Variants in ABCB5 observed in about 807,000 individuals in gnomAD.
The protein encoded by ABCB5 is ATP-binding cassette sub-family B member 5.
ABCB5 carries 155 observed loss-of-function variants against 144.2 expected under a neutral mutation model. The observed-to-expected ratio is 1.08, with a 90% confidence interval of 0.94 to 1.23. The LOEUF (loss-of-function observed/expected upper bound fraction) is 1.23, where lower values mean the gene tolerates loss of function less well. Among genes scored for constraint, ABCB5 ranks in the 50% most tolerant of loss-of-function variants. The pLI, the probability that ABCB5 is intolerant of heterozygous loss-of-function variation, is 0.00. For missense variants in ABCB5, 1,830 were observed against 1,520.8 expected (o/e 1.20, Z -3.38); for synonymous variants, 610 against 528.6 (o/e 1.15, Z -2.11).
At chr7:20,745,172 A>G in intron 25 of ABCB5, 60 bp from the exon 26 acceptor site, 1 of 1,504,446 alleles carries the variant, frequency 6.6e-7, no homozygotes, top group Non-Finnish European at 9.2e-7. Context: ...AATACAGTGA[A>G]CTGTAACATG....
intron 14 of ABCB5, chr7:20,660,272 T>G (rs1007349284): frequency 2.2e-5 from 22 of 985,236 alleles, no homozygotes; most frequent in African/African-American, 7.0e-5. Flanking sequence ...GAAGGCAATA[T>G]ATGAAAATAA....
rs1165239121 is a variant in ABCB5 at position 20,710,072 on chromosome 7, G to GA, written c.2421+5273dup. Among the ~76,000 whole-genome samples, 118 of 144,346 alleles carry GA rather than the reference G, an allele frequency of 8.2e-4. 5 individuals are homozygous for GA. Among genetic ancestry groups the GA allele is most frequent in the Middle Eastern group, 3.5e-3 (1 of 284 alleles). The allele number at this position is 144,346 out of a possible 152,430, so 94.7% of individuals were successfully genotyped here. On this transcript the variant is annotated intron_variant, in intron 20 of 27. Transcript: ENST00000404938. ...AGAGCAAGACTCTAAAAAAAAAAAA[G>GA]AAAAAAAATAGGTAGCCAGGGGTGG...
chr7:20,699,914 C>A lies in ABCB5; in HGVS notation c.2244C>A (p.Val748=). The change falls in exon 18 of 28, where the codon GTC becomes GTA. Residue 748 remains valine, a synonymous_variant. Coordinates refer to ENST00000404938, the MANE Select transcript of ABCB5 (RefSeq NM_001163941.2). ...TCATTTTGGGTGTTATTTGCTTTGTCAGTTATTTCATGCAGGTAAGCTTTT... is the reference window on the plus strand; with the variant it reads ...TCATTTTGGGTGTTATTTGCTTTGTAAGTTATTTCATGCAGGTAAGCTTTT... ...IFVILGVICF[V]SYFMQGLFYG... is the part of the protein sequence containing the mutation. The A allele has an allele frequency of 6.2e-7, 1 of 1,611,944 alleles. No homozygotes were observed. Among genetic ancestry groups the A allele is most frequent in the South Asian group, 1.1e-5 (1 of 90,676 alleles).
chr7:20,658,945 T>C, intron 14 of ABCB5: 2 of 1,167,292 alleles, frequency 1.7e-6, no homozygotes, highest in Non-Finnish European at 1.3e-6. Flanking sequence ...TCCAAGTGGT[T>C]TGCACTTTCC....
At chr7:20,674,779 C>T (rs1334259899) in intron 14 of ABCB5, among the ~76,000 whole-genome samples, 1 of 149,216 alleles carries the variant, frequency 6.7e-6, no homozygotes. Flanking sequence ...CACACACACA[C>T]ACACAAACTG....
intron 13 of ABCB5, among the ~76,000 whole-genome samples, chr7:20,654,811 G>C (rs1337893216): frequency 6.6e-6 from 1 of 152,106 alleles, no homozygotes; most frequent in Non-Finnish European, 1.5e-5. Context: ...GTATTTGTGA[G>C]ATATAGTTAA....
chr7:20,624,815 GCT>G (rs1311015713), intron 2 of ABCB5, among the ~76,000 whole-genome samples: 13 of 152,234 alleles, frequency 8.5e-5, no homozygotes, highest in Admixed American at 7.2e-4. Context: ...AGCTAGTGCG[GCT>G]GTGACCCGCA....
intron 5 of ABCB5, among the ~76,000 whole-genome samples, chr7:20,633,463 CT>C (rs936974535): frequency 6.6e-6 from 1 of 151,896 alleles, no homozygotes; most frequent in African/African-American, 2.4e-5. Context: ...GGCCTTAATT[CT>C]TTTTTTAATT....
At chr7:20,684,904 G>T (rs934607760) in intron 15 of ABCB5, among the ~76,000 whole-genome samples, 1 of 152,174 alleles carries the variant, frequency 6.6e-6, no homozygotes, top group African/African-American at 2.4e-5. Flanking sequence ...TGGCAACTTA[G>T]CTGGGCTTCT....
intron 1 of ABCB5, among the ~76,000 whole-genome samples, chr7:20,616,931 C>G (rs1783699101): frequency 6.6e-6 from 1 of 152,150 alleles, no homozygotes; most frequent in African/African-American, 2.4e-5. Flanking sequence ...TTCCTTCTGC[C>G]TGGGATAGTC....
At chr7:20,737,128 A>G (rs1353370764) in intron 23 of ABCB5, among the ~76,000 whole-genome samples, 3 of 151,918 alleles carry the variant, frequency 2.0e-5, no homozygotes, top group Non-Finnish European at 4.4e-5. Flanking sequence ...ACTGCACTCC[A>G]GCCTGAATGA....
chr7:20,670,095 A>C (rs1396315564), intron 14 of ABCB5, among the ~76,000 whole-genome samples: 2 of 152,360 alleles, frequency 1.3e-5, no homozygotes, highest in African/African-American at 4.8e-5. Context: ...ATCAAAAACA[A>C]GGACAATCTG....
At chr7:20,679,320 T>G in intron 14 of ABCB5, among the ~76,000 whole-genome samples, 1 of 151,610 alleles carries the variant, frequency 6.6e-6, no homozygotes, top group Non-Finnish European at 1.5e-5. Context: ...ATACAAAAAA[T>G]TAGCTGGGCA....
At chr7:20,639,061 T>C (rs748903459) in intron 5 of ABCB5, among the ~76,000 whole-genome samples, 5 of 151,024 alleles carry the variant, frequency 3.3e-5, no homozygotes, top group African/African-American at 4.9e-5. Context: ...TTGTAGTAGG[T>C]ATGAAGGGGT....
intron 14 of ABCB5, among the ~76,000 whole-genome samples, chr7:20,672,518 A>G (rs924618884): frequency 6.6e-6 from 1 of 152,176 alleles, no homozygotes. Context: ...ACATTTATCT[A>G]TGTAACAAAC....
chr7:20,663,203 C>A (rs1235199975), intron 14 of ABCB5, among the ~76,000 whole-genome samples: 1 of 152,184 alleles, frequency 6.6e-6, no homozygotes, highest in East Asian at 1.9e-4. Context: ...AGGCTTCAAA[C>A]CTCTTAATAA....
intron 4 of ABCB5, among the ~76,000 whole-genome samples, chr7:20,631,231 G>A (rs932740911): frequency 2.0e-5 from 3 of 151,952 alleles, no homozygotes; most frequent in African/African-American, 4.8e-5. Context: ...TCCTTTATTT[G>A]CTCAGTTAAA....
intron 2 of ABCB5, 116 bp downstream of exon 2, chr7:20,623,454 G>T: frequency 1.2e-6 from 1 of 804,090 alleles, no homozygotes; most frequent in Non-Finnish European, 2.0e-6. Flanking sequence ...AACACTATTT[G>T]CATTTTGCTG....
At chr7:20,679,104 A>G (rs999149961) in intron 14 of ABCB5, among the ~76,000 whole-genome samples, 5 of 152,188 alleles carry the variant, frequency 3.3e-5, no homozygotes, top group African/African-American at 9.7e-5. Context: ...AAATTGTAAA[A>G]GAAAAAAAAT....
Sources: gnomAD v4.1 joint callset for allele counts (sites outside exome capture counted in the v4.1 genomes callset) on GRCh38, gnomAD v4.1.1 for gene constraint, MANE v1.5 for transcripts, NCBI Gene and HGNC (gene_info 2026-07-23, HGNC 2026-07-21) for gene names.